Variants in NETO1 observed in about 807,000 individuals in gnomAD.
NETO1 encodes the protein neuropilin and tolloid-like protein 1.
In NETO1, 26 loss-of-function variants were observed where a neutral mutation model predicts 61.3. The observed-to-expected ratio is 0.42, with a 90% confidence interval of 0.31 to 0.59. The LOEUF is 0.59. Among genes scored for constraint, NETO1 ranks in the 20% least tolerant of loss-of-function variants. The probability of loss-of-function intolerance (pLI) is 0.12; values close to 1 mark genes in which losing one functional copy is unlikely to be tolerated. For missense variants in NETO1, 531 were observed against 662.8 expected, an observed-to-expected ratio of 0.80 and a Z score of 2.18; for synonymous variants, 225 against 225.8, an observed-to-expected ratio of 1.00 and a Z score of 0.03.
intron 4 of NETO1, among the ~76,000 whole-genome samples, chr18:72,846,884 G>A (rs12963148): frequency 0.26 from 39,823 of 152,092 alleles, 5,883 homozygotes; most frequent in East Asian, 0.46. Flanking sequence ...CTATTTCATC[G>A]GGACAGCCAC....
chr18:72,841,665 C>T (rs919710139), intron 4 of NETO1, among the ~76,000 whole-genome samples: 7 of 123,026 alleles, frequency 5.7e-5, no homozygotes, highest in East Asian at 2.7e-4. Flanking sequence ...GCCCTGAAGG[C>T]GGAGGTTGCA....
intron 7 of NETO1, among the ~76,000 whole-genome samples, chr18:72,772,105 C>A (rs2145179197): frequency 6.6e-6 from 1 of 152,232 alleles, no homozygotes; most frequent in East Asian, 1.9e-4. Context: ...TGACTGGCAA[C>A]CTGAGGACAT....
At chr18:72,865,650 A>C in intron 1 of NETO1, 2 of 1,579,302 alleles carry the variant, frequency 1.3e-6, no homozygotes, top group Non-Finnish European at 1.7e-6. Flanking sequence ...GGAGAGGCAA[A>C]CAATGAGAAC....
intron 4 of NETO1, among the ~76,000 whole-genome samples, chr18:72,828,336 G>T (rs2073454508): frequency 6.6e-6 from 1 of 151,888 alleles, no homozygotes; most frequent in African/African-American, 2.4e-5. Context: ...CAAATCAAGA[G>T]CTCCCAAAAC....
At chr18:72,764,642 T>G (rs756903079) in intron 7 of NETO1, among the ~76,000 whole-genome samples, 16 of 152,162 alleles carry the variant, frequency 1.1e-4, no homozygotes, top group Non-Finnish European at 1.9e-4. Context: ...AGACTTACCC[T>G]GAATATTGAA....
chr18:72,837,782 A>G lies in NETO1; in HGVS notation c.469+21044T>C, dbSNP rs1287777959. ...GCTTGGGGGGATCCTATAGATTTTC[A>G]GTTCTTAAAAAACAAACACCACCAC... On this transcript the variant is annotated intron_variant, in intron 4 of 10. Transcript: ENST00000327305. Among the ~76,000 whole-genome samples, 4 of 152,288 alleles carry G rather than the reference A, an allele frequency of 2.6e-5. No individual in the cohort carries two copies. The East Asian group carries it at 7.7e-4, about 29-fold the overall frequency.
chr18:72,847,988 T>C (rs1267088449), intron 4 of NETO1, among the ~76,000 whole-genome samples: 1 of 152,196 alleles, frequency 6.6e-6, no homozygotes, highest in African/African-American at 2.4e-5. Flanking sequence ...CCAGGGCTAA[T>C]GGGCCTTTCC....
intron 4 of NETO1, among the ~76,000 whole-genome samples, chr18:72,844,229 T>C (rs1018440932): frequency 8.5e-5 from 13 of 152,348 alleles, no homozygotes; most frequent in South Asian, 8.3e-4. Context: ...CCAAATTTTA[T>C]TGATACCAAG....
intron 7 of NETO1, among the ~76,000 whole-genome samples, chr18:72,770,108 T>A (rs1599132483): frequency 6.6e-6 from 1 of 152,088 alleles, no homozygotes; most frequent in East Asian, 1.9e-4. Flanking sequence ...AAATGACTCA[T>A]TAAATTATAA....
chr18:72,770,407 G>T (rs2071315260), intron 7 of NETO1, among the ~76,000 whole-genome samples: 1 of 151,884 alleles, frequency 6.6e-6, no homozygotes, highest in African/African-American at 2.4e-5. Context: ...TTTGAATATG[G>T]TGATTTTTTT....
At chr18:72,777,123 G>T (rs1033760985) in intron 7 of NETO1, among the ~76,000 whole-genome samples, 4 of 152,160 alleles carry the variant, frequency 2.6e-5, no homozygotes, top group South Asian at 2.1e-4. Context: ...TGAGGCTCAA[G>T]AATCATTTTC....
chr18:72,859,466 T>C (rs773544647), intron 3 of NETO1, among the ~76,000 whole-genome samples: 4 of 152,212 alleles, frequency 2.6e-5, no homozygotes, highest in Non-Finnish European at 4.4e-5. Flanking sequence ...TGAGAATTGT[T>C]TGGCATAGAG....
In NETO1 at chr18:72,821,234, TAA is replaced by T. The variant is rs10672110; in HGVS notation, c.470-26832_470-26831del. Among the ~76,000 whole-genome samples, 218 of 80,206 alleles carry T rather than the reference TAA, an allele frequency of 2.7e-3. 2 individuals carry two copies. The highest frequency in any genetic ancestry group is 4.8e-3 in the Admixed American group (31 of 6,498). The allele number at this position is 80,206 out of a possible 152,430, so 52.6% of individuals were successfully genotyped here. A position where few individuals can be genotyped will look rare whatever the true frequency, so the allele number is the denominator to read the frequency against. On this transcript the variant is annotated intron_variant, in intron 4 of 10. Transcript: ENST00000327305. ...TAAGCATTCTCTTCTTCATATTAAC[TAA>T]AAAAAAAAAAAAAAAAAAAAATGGG...
At chr18:72,751,350 T>C (rs2070609989) in intron 8 of NETO1, among the ~76,000 whole-genome samples, 1 of 152,206 alleles carries the variant, frequency 6.6e-6, no homozygotes, top group Admixed American at 6.5e-5. Flanking sequence ...ATTTGAGCCA[T>C]GACTTGCTTC....
chr18:72,853,018 A>G (rs1394734590), intron 4 of NETO1, among the ~76,000 whole-genome samples: 1 of 151,774 alleles, frequency 6.6e-6, no homozygotes, highest in African/African-American at 2.4e-5. Context: ...TATTTTTAGT[A>G]GAGACAGAGT....
intron 7 of NETO1, among the ~76,000 whole-genome samples, chr18:72,757,627 A>G (rs1226317431): frequency 5.9e-5 from 9 of 152,176 alleles, no homozygotes; most frequent in Admixed American, 5.2e-4. Context: ...TCATTTTGAA[A>G]AAAAAAGTAT....
chr18:72,774,549 A>G (rs2071480166), intron 7 of NETO1, among the ~76,000 whole-genome samples: 1 of 152,202 alleles, frequency 6.6e-6, no homozygotes, highest in Non-Finnish European at 1.5e-5. Flanking sequence ...TTGAGTCCAT[A>G]AAGTAAAATA....
In NETO1 at chr18:72,750,088, C is replaced by T; in HGVS notation, c.1515G>A (p.Leu505=). 1.9e-6 allele frequency: 3 copies of T among 1,601,320 alleles called. No individual in the cohort carries two copies. The highest frequency in any genetic ancestry group is 2.6e-6 in the Non-Finnish European group (3 of 1,173,596). The stretch of plus-strand genomic sequence containing the variant: ...GCTGGACGGCTTTATCGTGTCTGGA[C>T]AGCCTGTGACTGGTGGTCGGCACCT... ...IEEVPTTSHR[L]SRHDKAVQRF... Residue 505 remains leucine, a synonymous_variant, in exon 9 of 11, where the codon CTG becomes CTA. Transcript: ENST00000327305.
At chr18:72,829,346 T>A (rs755234760) in intron 4 of NETO1, among the ~76,000 whole-genome samples, 1 of 152,168 alleles carries the variant, frequency 6.6e-6, no homozygotes, top group Non-Finnish European at 1.5e-5. Flanking sequence ...AATCTTGATT[T>A]TCCTTAAAGA....
Sources: allele counts gnomAD v4.1 joint callset (sites outside exome capture counted in the v4.1 genomes callset), GRCh38; gene constraint gnomAD v4.1.1; transcripts MANE v1.5; gene names NCBI Gene and HGNC (gene_info 2026-07-23, HGNC 2026-07-21).